NRG1: variants seen among roughly 807,000 people sequenced by gnomAD.
NRG1 encodes the protein pro-neuregulin-1, membrane-bound isoform.
A neutral mutation model predicts 63.8 loss-of-function variants in NRG1; 18 were observed. That is an observed-to-expected ratio of 0.28 (90% CI 0.19 to 0.42). The LOEUF is 0.42. Ranked by LOEUF, NRG1 falls within the 10% of genes least tolerant of loss-of-function variation. NRG1 has a pLI of 1.00. For missense variants in NRG1, 762 were observed against 814.7 expected (o/e 0.94, Z 0.79); for synonymous variants, 302 against 301.3 (o/e 1.00, Z -0.02).
At chr8:32,602,392 G>A (rs1844532367) in intron 2 of NRG1, among the ~76,000 whole-genome samples, 1 of 151,990 alleles carries the variant, frequency 6.6e-6, no homozygotes, top group African/African-American at 2.4e-5. Context: ...CTGTAAATAT[G>A]ATTACCATGT....
intron 1 of NRG1, among the ~76,000 whole-genome samples, chr8:31,820,000 G>A (rs373215070): frequency 9.2e-5 from 14 of 151,988 alleles, no homozygotes; most frequent in African/African-American, 2.2e-4. Flanking sequence ...CCAATAAACC[G>A]TATTTGCAAG....
intron 1 of NRG1, among the ~76,000 whole-genome samples, chr8:32,344,853 T>G (rs1280459595): frequency 2.6e-5 from 4 of 152,140 alleles, no homozygotes; most frequent in Non-Finnish European, 5.9e-5. Context: ...TTAAATCTAC[T>G]AGACAATCTA....
At chr8:32,760,905 G>T in intron 11 of NRG1, 1 of 993,008 alleles carries the variant, frequency 1.0e-6, no homozygotes, top group Non-Finnish European at 1.2e-6. Flanking sequence ...GAATGTCATG[G>T]GGGGCAACTG....
At chr8:32,130,867 G>T (rs1226127619) in intron 1 of NRG1, among the ~76,000 whole-genome samples, 1 of 151,936 alleles carries the variant, frequency 6.6e-6, no homozygotes, top group Non-Finnish European at 1.5e-5. Context: ...AAAGAAGGCA[G>T]GGTTGAAAAA....
intron 1 of NRG1, among the ~76,000 whole-genome samples, chr8:32,100,922 C>G (rs1332946992): frequency 2.6e-5 from 4 of 152,076 alleles, no homozygotes; most frequent in Non-Finnish European, 5.9e-5. Context: ...ACAAGAAATA[C>G]TCTGTAATTG....
intron 5 of NRG1, among the ~76,000 whole-genome samples, chr8:32,712,121 C>T (rs1589356291): frequency 6.6e-6 from 1 of 152,210 alleles, no homozygotes; most frequent in East Asian, 1.9e-4. Flanking sequence ...TTGTAGAAAC[C>T]ATATCCCAAA....
chr8:32,272,546 C>T (rs1255061682), intron 1 of NRG1, among the ~76,000 whole-genome samples: 1 of 152,096 alleles, frequency 6.6e-6, no homozygotes, highest in Non-Finnish European at 1.5e-5. Context: ...CACTGAGATG[C>T]AAAGACATGT....
At chr8:31,935,536 G>A (rs950515569) in intron 1 of NRG1, among the ~76,000 whole-genome samples, 2 of 152,202 alleles carry the variant, frequency 1.3e-5, no homozygotes, top group African/African-American at 4.8e-5. Flanking sequence ...GGGATTACAG[G>A]TGTGACCCAC....
chr8:32,631,569 G>A (rs1385979096), intron 5 of NRG1, among the ~76,000 whole-genome samples: 1 of 152,116 alleles, frequency 6.6e-6, no homozygotes, highest in African/African-American at 2.4e-5. Flanking sequence ...TTGTTAGTCA[G>A]GGTAAAAGAG....
intron 1 of NRG1, among the ~76,000 whole-genome samples, chr8:32,289,455 G>C (rs1853939458): frequency 6.6e-6 from 1 of 151,860 alleles, no homozygotes; most frequent in African/African-American, 2.4e-5. Context: ...AAACTAGTCA[G>C]AGATTGCTTG....
rs1354267557 is a variant in NRG1 at position 32,474,903 on chromosome 8, T to C, written c.38-120925T>C. ...CTACTGGTATGGCCTCATTTGTCGA[T>C]TTGAGGATTATTGGTTTATTTATGC... is the stretch of plus-strand genomic sequence containing the variant. On this transcript the variant is annotated intron_variant, in intron 1 of 10. Coordinates refer to the NRG1 transcript ENST00000519301. Among the ~76,000 whole-genome samples, 13 of 152,036 alleles carry C rather than the reference T, an allele frequency of 8.6e-5. 1 individual carries two copies. Among genetic ancestry groups the C allele is most frequent in the Non-Finnish European group, 1.5e-5 (1 of 68,012 alleles).
intron 1 of NRG1, among the ~76,000 whole-genome samples, chr8:32,216,750 A>G (rs1214834232): frequency 2.0e-5 from 3 of 151,400 alleles, no homozygotes; most frequent in Non-Finnish European, 4.4e-5. Flanking sequence ...TGATATATAT[A>G]TAATATAATG....
At chr8:31,860,142 G>T (rs1828336471) in intron 1 of NRG1, among the ~76,000 whole-genome samples, 2 of 152,194 alleles carry the variant, frequency 1.3e-5, no homozygotes, top group Non-Finnish European at 2.9e-5. Context: ...ATATAGGTTT[G>T]CAAAACTGAG....
intron 1 of NRG1, among the ~76,000 whole-genome samples, chr8:31,988,973 G>A (rs1810559713): frequency 6.6e-6 from 1 of 151,954 alleles, no homozygotes. Flanking sequence ...CAGTAGCTGG[G>A]CACAGTGGCT....
At chr8:32,421,729 A>C (rs1039272731) in intron 1 of NRG1, among the ~76,000 whole-genome samples, 40 of 152,342 alleles carry the variant, frequency 2.6e-4, no homozygotes, top group African/African-American at 8.9e-4. Flanking sequence ...TTCCTTAGGA[A>C]AATGAAAATC....
intron 6 of NRG1, among the ~76,000 whole-genome samples, chr8:32,737,466 G>T (rs1825359267): frequency 6.6e-6 from 1 of 151,946 alleles, no homozygotes; most frequent in East Asian, 1.9e-4. Context: ...CAGGAGAATT[G>T]CTTGAATCTG....
chr8:32,041,613 C>T (rs997753158), intron 1 of NRG1, among the ~76,000 whole-genome samples: 5 of 152,098 alleles, frequency 3.3e-5, no homozygotes, highest in African/African-American at 9.7e-5. Context: ...CTGAGGGTCC[C>T]CAGGTTTCTA....
chr8:31,745,845 G>C (rs1815796751), intron 1 of NRG1, among the ~76,000 whole-genome samples: 1 of 151,854 alleles, frequency 6.6e-6, no homozygotes, highest in Non-Finnish European at 1.5e-5. Context: ...AAGGGAGAAA[G>C]AGAGAGGAAT....
chr8:32,177,478 TA>T (rs1315695839), intron 1 of NRG1, among the ~76,000 whole-genome samples: 2 of 152,022 alleles, frequency 1.3e-5, no homozygotes, highest in South Asian at 2.1e-4. Flanking sequence ...TAAATTATAA[TA>T]AAAAAATTAA....
Sources: gnomAD v4.1 joint callset for allele counts (sites outside exome capture counted in the v4.1 genomes callset) on GRCh38, gnomAD v4.1.1 for gene constraint, MANE v1.5 for transcripts, NCBI Gene and HGNC (gene_info 2026-07-23, HGNC 2026-07-21) for gene names.